The following KIFC3 variants were observed in gnomAD, a reference collection of about 807,000 sequenced individuals.
KIFC3 encodes kinesin family member C3.
In KIFC3, 60 loss-of-function variants were observed where a neutral mutation model predicts 101.8. The observed-to-expected ratio is 0.59, with a 90% CI of 0.48 to 0.73. The LOEUF (loss-of-function observed/expected upper bound fraction) is 0.73. KIFC3 is among the 30% of genes least tolerant of loss of function. KIFC3 has a pLI of 0.00. For synonymous variants in KIFC3, 476 were observed against 482.7 expected (o/e 0.99, Z 0.18); for missense variants, 966 against 1,137.1 (o/e 0.85, Z 2.16).
In KIFC3 at chr16:57,765,488, C is replaced by G. The variant is rs1294214506; in HGVS notation, c.1483G>C (p.Val495Leu). 2 of 1,587,924 alleles carry G rather than the reference C, an allele frequency of 1.3e-6. No individual in the cohort carries two copies. Among genetic ancestry groups the G allele is most frequent in the Non-Finnish European group, 1.7e-6 (2 of 1,166,068 alleles). Residue 495 changes from valine (V) to leucine (L), a missense_variant, in exon 11 of 20, where the codon GTC (valine) becomes CTC (leucine). Coordinates refer to ENST00000445690, the MANE Select transcript of KIFC3 (RefSeq NM_001130100.2). ...GKPVSFELDK[V>L]FSPQASQQDV... is the part of the protein sequence containing the mutation. ...TGCTGCGAGGCCTGTGGGGAGAAGA[C>G]CTTGTCCAGCTCGAAGGACACAGGC...
intron 1 of KIFC3, among the ~76,000 whole-genome samples, chr16:57,811,287 G>A (rs575905786): frequency 3.9e-5 from 6 of 152,340 alleles, no homozygotes; most frequent in African/African-American, 1.2e-4. Flanking sequence ...TGGTGACAGT[G>A]TACAACTCTG....
At chr16:57,849,832 T>C (rs1368403837) in intron 1 of KIFC3, among the ~76,000 whole-genome samples, 1 of 152,052 alleles carries the variant, frequency 6.6e-6, no homozygotes, top group African/African-American at 2.4e-5. Flanking sequence ...GCACCTGGAA[T>C]GTGGAGGTTG....
In KIFC3 at chr16:57,795,093, C is replaced by T. The variant is rs782261569; in HGVS notation, c.221G>A (p.Arg74Gln). 38 of 1,603,070 alleles carry T rather than the reference C, an allele frequency of 2.4e-5. No homozygotes were observed. The highest frequency in any genetic ancestry group is 9.0e-5 in the East Asian group (4 of 44,368). ...PVCGDEDSSA[R>Q]SAARPALAQC... is the part of the protein sequence containing the mutation. ...AGCTAGGGCTGGGCGAGCTGCACTTCGGGCACTGGAGTCCTCGTCACCGCA... is the reference window on the plus strand; with the variant it reads ...AGCTAGGGCTGGGCGAGCTGCACTTTGGGCACTGGAGTCCTCGTCACCGCA... The change falls in exon 3 of 20, where the codon CGA becomes CAA. Residue 74 changes from arginine (R) to glutamine (Q), a missense_variant. This residue lies in a region of KIFC3 where 277 missense variants were observed against 252.5 expected (regional missense o/e 1.10). Transcript: ENST00000445690.
At position 57,760,828 on chromosome 16, in the gene KIFC3, G is replaced by A. The variant is rs782182718; in HGVS notation, c.2130C>T (p.Ala710=). Residue 710 remains alanine, a synonymous_variant, in exon 16 of 20, where the codon GCC becomes GCT. Coordinates refer to ENST00000445690, the MANE Select transcript of KIFC3 (RefSeq NM_001130100.2). ...SLSALGDVIA[A]LRSRQGHVPF... ...GCACGTGGCCCTGGCGGGAGCGCAG[G>A]GCAGCAATGACGTCCCCCAGAGCCG... 16 of 1,613,328 alleles carry A rather than the reference G, an allele frequency of 9.9e-6. No homozygotes were observed. Among genetic ancestry groups the A allele is most frequent in the Non-Finnish European group, 1.4e-5 (16 of 1,179,996 alleles).
chr16:57,760,909 C>T lies in KIFC3; in HGVS notation c.2049G>A (p.Lys683=). 2 of 1,608,968 alleles carry T rather than the reference C, an allele frequency of 1.2e-6. No homozygotes were observed. The highest frequency in any genetic ancestry group is 1.7e-6 in the Non-Finnish European group (2 of 1,179,348). ...VDLAGSERVG[K]SGAEGSRLRE... ...GCAGGCGGCTGCCCTCGGCCCCCGACTTGCCCACGCGCTCCGAGCCAGCCA... is the reference window on the plus strand; with the variant it reads ...GCAGGCGGCTGCCCTCGGCCCCCGATTTGCCCACGCGCTCCGAGCCAGCCA... Residue 683 remains lysine (K), a synonymous_variant, in exon 16 of 20, where the codon AAG becomes AAA. Coordinates refer to ENST00000445690, the MANE Select transcript of KIFC3 (RefSeq NM_001130100.2).
chr16:57,857,748 A>T (rs1328686679), intron 1 of KIFC3, among the ~76,000 whole-genome samples: 1 of 148,602 alleles, frequency 6.7e-6, no homozygotes, highest in African/African-American at 2.5e-5. Flanking sequence ...ATGGCTACAT[A>T]GTATTCCATG....
chr16:57,832,870 T>C (rs1296160731), intron 1 of KIFC3, among the ~76,000 whole-genome samples: 1 of 152,108 alleles, frequency 6.6e-6, no homozygotes. Context: ...AAGAGAGATG[T>C]TTGCAGGATC....
intron 1 of KIFC3, among the ~76,000 whole-genome samples, chr16:57,825,051 C>T (rs1555630579): frequency 1.3e-5 from 2 of 152,198 alleles, no homozygotes; most frequent in African/African-American, 4.8e-5. Flanking sequence ...GTCAACAGGG[C>T]ACTTCACAAC....
intron 1 of KIFC3, among the ~76,000 whole-genome samples, chr16:57,828,278 C>T (rs1269663909): frequency 3.3e-5 from 5 of 152,242 alleles, no homozygotes; most frequent in African/African-American, 1.2e-4. Context: ...TGCTTAGGTC[C>T]CTTTCTCAGG....
chr16:57,840,760 CAAA>C (rs11447265), intron 1 of KIFC3, among the ~76,000 whole-genome samples: 7 of 100,084 alleles, frequency 7.0e-5, no homozygotes, highest in African/African-American at 3.6e-5. Flanking sequence ...AACTCTGTCT[CAAA>C]AAAAAAAAAA....
intron 11 of KIFC3, chr16:57,764,533 G>T: frequency 2.4e-6 from 1 of 423,800 alleles, no homozygotes; most frequent in Non-Finnish European, 4.3e-6. Flanking sequence ...AAGGAAGGTG[G>T]AGGCCAGCAC....
intron 1 of KIFC3, among the ~76,000 whole-genome samples, chr16:57,801,624 G>A (rs948336046): frequency 2.6e-5 from 4 of 152,270 alleles, no homozygotes; most frequent in Admixed American, 6.5e-5. Context: ...AAGACCAGGG[G>A]TGGCCACAAC....
chr16:57,814,574 T>C (rs1422372283), intron 1 of KIFC3, among the ~76,000 whole-genome samples: 2 of 152,174 alleles, frequency 1.3e-5, no homozygotes, highest in Non-Finnish European at 2.9e-5. Context: ...AATTATCCCA[T>C]GTTACAGATG....
At position 57,797,718 on chromosome 16, in the gene KIFC3, C is replaced by G. The variant is rs147751159; in HGVS notation, c.172+354G>C. ...CACTTCACCTACCTTGTTTACCAGC[C>G]TGGGCAGAGACCGGAGCTAGCCCAC... On this transcript the variant is annotated intron_variant, in intron 2 of 19. Transcript: ENST00000445690. 4.8e-4 allele frequency: 567 copies of G among 1,176,644 alleles called. 1 individual carries two copies. In the African/African-American group the frequency reaches 8.3e-3, roughly 17 times the overall value. The allele number at this position is 1,176,644 out of a possible 1,614,324, so 72.9% of individuals were successfully genotyped here. A position where few individuals can be genotyped will look rare whatever the true frequency, so the allele number is the denominator to read the frequency against.
At chr16:57,815,568 A>T (rs782385203) in intron 1 of KIFC3, 1 of 1,289,610 alleles carries the variant, frequency 7.8e-7, no homozygotes, top group African/African-American at 1.5e-5. Context: ...CTGATGCCTT[A>T]GTCACCCTCA....
Position 57,785,344 on chromosome 16 carries a change from C to T in KIFC3, c.315+9655G>A, listed in dbSNP as rs112986818. 2,270 of 439,078 alleles carry T rather than the reference C, an allele frequency of 5.2e-3. 46 individuals are homozygous for T. The highest frequency in any genetic ancestry group is 0.045 in the African/African-American group (2,109 of 47,246). 27.2% of individuals were successfully genotyped at this position (439,078 alleles called of 1,614,324 possible). A position where few individuals can be genotyped will look rare whatever the true frequency, so the allele number is the denominator to read the frequency against. On this transcript the variant is annotated intron_variant, in intron 3 of 19. Transcript: ENST00000445690. ...CTACCCTCCAGCGTATTCCAGGAAA[C>T]GAGACCCCAGCTATCTCCTCTTACA...
intron 1 of KIFC3, among the ~76,000 whole-genome samples, chr16:57,840,824 G>C (rs1344858783): frequency 2.0e-5 from 3 of 150,888 alleles, no homozygotes; most frequent in Non-Finnish European, 4.4e-5. Context: ...CACCCCAGCT[G>C]TCACCAAGTC....
At chr16:57,817,653 T>C (rs911242304) in intron 1 of KIFC3, among the ~76,000 whole-genome samples, 7 of 152,198 alleles carry the variant, frequency 4.6e-5, no homozygotes, top group Admixed American at 3.3e-4. Flanking sequence ...ACCAGTCATA[T>C]TGGACTTAAG....
intron 3 of KIFC3, among the ~76,000 whole-genome samples, chr16:57,789,303 G>T (rs868975007): frequency 2.6e-5 from 4 of 152,356 alleles, no homozygotes; most frequent in Middle Eastern, 3.4e-3. Context: ...TCTTCCAGGG[G>T]GAACACAGGC....
Sources: allele counts gnomAD v4.1 joint callset (sites outside exome capture counted in the v4.1 genomes callset), GRCh38; gene constraint gnomAD v4.1.1; regional missense constraint gnomAD v4.1.1; transcripts MANE v1.5; gene names NCBI Gene and HGNC (gene_info 2026-07-23, HGNC 2026-07-21).